The following SOS2 variants were observed in gnomAD, a reference collection of about 807,000 sequenced individuals.
The protein encoded by SOS2 is son of sevenless homolog 2.
SOS2 carries 65 observed loss-of-function variants against 148.2 expected under a neutral mutation model. The ratio of observed to expected loss-of-function variants is 0.44; its 90% CI spans 0.36 to 0.54. The LOEUF is 0.54. Ranked by LOEUF, SOS2 falls within the 20% of genes least tolerant of loss-of-function variation. SOS2 has a pLI of 0.00. For missense variants in SOS2, 1,341 were observed against 1,590.2 expected (o/e 0.84, Z 2.67); for synonymous variants, 539 against 537.1 (o/e 1.00, Z -0.05).
chr14:50,159,821 A>C lies in SOS2; in HGVS notation c.1462T>G (p.Leu488Val). 3.1e-6 allele frequency: 5 copies of C among 1,614,014 alleles called. No individual in the cohort carries two copies. The South Asian group carries it at 4.4e-5, about 14-fold the overall frequency. The change falls in exon 10 of 23, where the codon TTA becomes GTA. Residue 488 changes from leucine to valine, a missense_variant. By Grantham distance (32) the Leu-to-Val change is conservative. Coordinates refer to ENST00000216373, the MANE Select transcript of SOS2 (RefSeq NM_006939.4). ...LPGYSSAEYR[L>V]KEKFVMRKIQ... is the part of the protein sequence containing the mutation. ...TTCCTCATGACAAATTTTTCTTTTA[A>C]CCTGTATTCTGCACTACTGTAACCT...
Position 50,130,401 on chromosome 14 carries a change from A to G in SOS2, c.3337+100T>C, listed in dbSNP as rs964152199. On this transcript the variant is annotated intron_variant, in intron 20 of 22. Coordinates refer to ENST00000216373, the MANE Select transcript of SOS2 (RefSeq NM_006939.4). ...TTTAGATATCACTTTTCACACTAAT[A>G]TAGTTTGCAAAGGATTCTATAGTTC... The G allele has an allele frequency of 6.4e-6, 6 of 931,980 alleles. No individual in the cohort carries two copies. In the African/African-American group the frequency reaches 6.7e-5, roughly 10 times the overall value. The allele number at this position is 931,980 out of a possible 1,614,324, so 57.7% of individuals were successfully genotyped here.
intron 8 of SOS2, among the ~76,000 whole-genome samples, chr14:50,171,273 G>A (rs910523615): frequency 6.6e-6 from 1 of 151,952 alleles, no homozygotes; most frequent in Non-Finnish European, 1.5e-5. Context: ...ATTACCATAC[G>A]ATCCATCCAT....
intron 5 of SOS2, among the ~76,000 whole-genome samples, chr14:50,187,629 G>A (rs544217758): frequency 9.2e-5 from 14 of 151,676 alleles, no homozygotes; most frequent in African/African-American, 2.2e-4. Flanking sequence ...GATTATAGGC[G>A]TGAGCCACTG....
At position 50,188,695 on chromosome 14, in the gene SOS2, C is replaced by G. The variant is rs561507728; in HGVS notation, c.516G>C (p.Leu172Phe). The G allele has an allele frequency of 6.3e-7, 1 of 1,586,508 alleles. No individual in the cohort carries two copies. The highest frequency in any genetic ancestry group is 8.6e-7 in the Non-Finnish European group (1 of 1,169,028). Residue 172 changes from leucine to phenylalanine, a missense_variant, in exon 5 of 23, where the codon TTG becomes TTC. Physicochemically the swap from Leu to Phe is conservative, Grantham distance 22. Coordinates refer to ENST00000216373, the MANE Select transcript of SOS2 (RefSeq NM_006939.4). The part of the protein sequence containing the change: ...IKVSMCADKV[L>F]MDMFDQDDIG... Reference sequence around the variant, plus strand: ...TGTCATCCTGATCAAACATGTCCATCAAAACCTGAGAAACAGAAATCAATA... The same window carrying G: ...TGTCATCCTGATCAAACATGTCCATGAAAACCTGAGAAACAGAAATCAATA...
intron 21 of SOS2, among the ~76,000 whole-genome samples, chr14:50,126,039 C>T (rs1883670373): frequency 6.6e-6 from 1 of 152,164 alleles, no homozygotes; most frequent in South Asian, 2.1e-4. Flanking sequence ...TACAGTGAAA[C>T]CCACAAGTCA....
chr14:50,143,724 G>A (rs1449014962), intron 16 of SOS2, among the ~76,000 whole-genome samples: 3 of 152,072 alleles, frequency 2.0e-5, no homozygotes, highest in Admixed American at 2.0e-4. Flanking sequence ...TTACAGGTGA[G>A]CCACTGAGCC....
intron 1 of SOS2, among the ~76,000 whole-genome samples, chr14:50,225,959 A>T (rs1311951715): frequency 6.6e-6 from 1 of 152,100 alleles, no homozygotes; most frequent in Non-Finnish European, 1.5e-5. Flanking sequence ...TTCAAAACAA[A>T]CAAACAAACA....
At chr14:50,130,349 C>T in intron 20 of SOS2, 152 bp downstream of exon 20, 1 of 678,306 alleles carries the variant, frequency 1.5e-6, no homozygotes, top group Non-Finnish European at 2.5e-6. Context: ...TTATGCTCTA[C>T]TTCTTGTATT....
intron 5 of SOS2, among the ~76,000 whole-genome samples, chr14:50,185,691 CAA>C (rs1374798483): frequency 3.9e-4 from 32 of 83,046 alleles, no homozygotes; most frequent in East Asian, 9.0e-4. Context: ...GACTCTGTCT[CAA>C]AAAAAAAAAA....
At chr14:50,230,827 A>C (rs1205507032) in intron 1 of SOS2, 2 of 941,460 alleles carry the variant, frequency 2.1e-6, no homozygotes, top group African/African-American at 3.5e-5. Context: ...CTTAATTAAA[A>C]GTAATTACCC....
At chr14:50,170,074 C>A (rs1314511271) in intron 8 of SOS2, among the ~76,000 whole-genome samples, 1 of 151,618 alleles carries the variant, frequency 6.6e-6, no homozygotes, top group Non-Finnish European at 1.5e-5. Flanking sequence ...CACAGGCATG[C>A]ACCACTATGT....
rs1566814435 is a variant in SOS2, at chr14:50,118,473, G to A, written c.3870C>T (p.Pro1290=). The A allele has an allele frequency of 6.2e-7, 1 of 1,614,110 alleles. No individual in the cohort carries two copies. ...SQNNLAHPPA[P]PVPPRQNSSP... ...TTGAATTCTGCCTTGGTGGAACAGG[G>A]GGAGCTGGAGGATGAGCAAGATTAT... Residue 1290 remains proline, a synonymous_variant, in exon 23 of 23, where the codon CCC becomes CCT. Transcript: ENST00000216373.
chr14:50,154,146 T>C (rs1050462546), intron 12 of SOS2, among the ~76,000 whole-genome samples: 1 of 151,942 alleles, frequency 6.6e-6, no homozygotes, highest in Non-Finnish European at 1.5e-5. Context: ...AGGAAACTAG[T>C]AGGCAAGCCA....
At chr14:50,136,591 CTT>C (rs33937285) in intron 18 of SOS2, among the ~76,000 whole-genome samples, 117,250 of 139,348 alleles carry the variant, frequency 0.84, 49,203 homozygotes, top group East Asian at 0.91. Context: ...GAGCAAGTAT[CTT>C]TTTTTTTTTT....
At chr14:50,204,078 C>A (rs552142909) in intron 2 of SOS2, among the ~76,000 whole-genome samples, 16 of 151,808 alleles carry the variant, frequency 1.1e-4, no homozygotes. Flanking sequence ...ATAAATGTAC[C>A]CAGTTGTTCT....
At chr14:50,149,926 G>A in intron 14 of SOS2, 82 bp downstream of exon 14, 1 of 1,007,432 alleles carries the variant, frequency 9.9e-7, no homozygotes, top group South Asian at 1.4e-5. Flanking sequence ...AAGCACTCAT[G>A]AATAATGTGC....
intron 4 of SOS2, among the ~76,000 whole-genome samples, chr14:50,191,144 T>C (rs1886122186): frequency 2.0e-5 from 3 of 152,112 alleles, no homozygotes; most frequent in Admixed American, 6.6e-5. Flanking sequence ...TTGACACAGC[T>C]GACCATTCTC....
intron 8 of SOS2, among the ~76,000 whole-genome samples, chr14:50,170,061 G>A (rs1279649969): frequency 1.3e-5 from 2 of 151,514 alleles, no homozygotes; most frequent in African/African-American, 4.8e-5. Context: ...TAGTAGCCGG[G>A]ACCACAGGCA....
At chr14:50,125,086 T>C (rs934439828) in intron 21 of SOS2, among the ~76,000 whole-genome samples, 2 of 152,338 alleles carry the variant, frequency 1.3e-5, no homozygotes, top group Admixed American at 1.3e-4. Context: ...TTATTTGGAA[T>C]ATAGTCTTTG....
Sources: allele counts gnomAD v4.1 joint callset (sites outside exome capture counted in the v4.1 genomes callset), GRCh38; gene constraint gnomAD v4.1.1; transcripts MANE v1.5; gene names NCBI Gene and HGNC (gene_info 2026-07-23, HGNC 2026-07-21).